EMB: variants seen among roughly 807,000 people sequenced by gnomAD.
The protein encoded by EMB is embigin homolog.
In EMB, 31 loss-of-function variants were observed where a neutral mutation model predicts 41.4. The ratio of observed to expected loss-of-function variants is 0.75; its 90% CI spans 0.56 to 1.01. The LOEUF is 1.01. Ranked by LOEUF, EMB falls within the 50% of genes least tolerant of loss-of-function variation. The probability of loss-of-function intolerance (pLI) is 0.00; values close to 1 mark genes in which losing one functional copy is unlikely to be tolerated. For missense variants in EMB, 379 were observed against 388.3 expected (o/e 0.98, Z 0.20); for synonymous variants, 137 against 140.4 (o/e 0.98, Z 0.17).
chr5:50,426,940 C>T (rs1745621709), intron 2 of EMB, among the ~76,000 whole-genome samples: 1 of 151,374 alleles, frequency 6.6e-6, no homozygotes, highest in African/African-American at 2.4e-5. Flanking sequence ...AGCACCTGCC[C>T]GGGGCTAATA....
intron 2 of EMB, among the ~76,000 whole-genome samples, chr5:50,415,090 T>C (rs1745407617): frequency 6.6e-6 from 1 of 152,172 alleles, no homozygotes; most frequent in Admixed American, 6.5e-5. Flanking sequence ...ATCCAAGAGA[T>C]CCATTAATAT....
upstream of EMB, chr5:50,441,390 T>G: frequency 6.1e-6 from 2 of 325,558 alleles, no homozygotes; most frequent in Non-Finnish European, 5.6e-6. Context: ...GCTGCTGGCG[T>G]TCCCGGATGT....
intron 1 of EMB, among the ~76,000 whole-genome samples, chr5:50,430,070 T>C (rs1281639632): frequency 6.6e-6 from 1 of 151,928 alleles, no homozygotes; most frequent in African/African-American, 2.4e-5. Flanking sequence ...CCCATAAATG[T>C]TATTTTCCTA....
rs70972912 is a variant in EMB at position 50,440,533 on chromosome 5, C to CAAA, written c.112+504_112+506dup. ...GGGCAACAAGAGTAAAACTCCGTCT[C>CAAA]AAAAAAAAAAAAAAAAAAAAAAAAA... is the stretch of plus-strand genomic sequence containing the variant. On this transcript the variant is annotated intron_variant, in intron 1 of 8. Coordinates refer to ENST00000303221, the MANE Select transcript of EMB (RefSeq NM_198449.3). 2.3e-4 allele frequency among the ~76,000 whole-genome samples: 14 copies of CAAA among 60,048 alleles called. 1 individual carries two copies. Among genetic ancestry groups the CAAA allele is most frequent in the East Asian group, 5.3e-4 (1 of 1,880 alleles). The allele number at this position is 60,048 out of a possible 152,430, so 39.4% of individuals were successfully genotyped here.
chr5:50,403,182 G>A lies in EMB; in HGVS notation c.873C>T (p.His291=), dbSNP rs1269793779. 6 of 1,588,792 alleles carry A rather than the reference G, an allele frequency of 3.8e-6. No individual in the cohort carries two copies. In the South Asian group the frequency reaches 7.0e-5, roughly 19 times the overall value. ...AACAAAAAAAAGAAATCCCACCTGA[G>A]TGCTTCTTTTTCTTTTGTGTGTACT... ...CEKYTQKKKK[H]SDEGKEFEQI... The change falls in exon 6 of 9, where the codon CAC becomes CAT. Residue 291 remains histidine (H), a synonymous_variant. Coordinates refer to ENST00000303221, the MANE Select transcript of EMB (RefSeq NM_198449.3).
At chr5:50,399,626 A>C (rs1190594655) in intron 8 of EMB, among the ~76,000 whole-genome samples, 1 of 152,162 alleles carries the variant, frequency 6.6e-6, no homozygotes, top group South Asian at 2.1e-4. Context: ...ATATGTAGCC[A>C]GTGCAAAAGA....
chr5:50,439,681 T>C (rs1561143162), intron 1 of EMB, among the ~76,000 whole-genome samples: 2 of 152,074 alleles, frequency 1.3e-5, no homozygotes, highest in African/African-American at 2.4e-5. Context: ...ACCCACGATG[T>C]TCTGTCCAAG....
At chr5:50,409,593 A>T (rs541756873) in intron 4 of EMB, among the ~76,000 whole-genome samples, 1 of 151,854 alleles carries the variant, frequency 6.6e-6, no homozygotes, top group Admixed American at 6.6e-5. Flanking sequence ...GGAAGGAAGG[A>T]GGCAGGAAGG....
At chr5:50,442,448 A>G (rs1291039267), upstream of EMB, among the ~76,000 whole-genome samples, 1 of 152,172 alleles carries the variant, frequency 6.6e-6, no homozygotes, top group Admixed American at 6.5e-5. Context: ...ACCAGGTGCC[A>G]ATCTACCATT....
intron 1 of EMB, 53 bp downstream of exon 1, chr5:50,440,987 C>T: frequency 8.1e-7 from 1 of 1,237,182 alleles, no homozygotes; most frequent in Non-Finnish European, 1.0e-6. Flanking sequence ...CGCGGGGACC[C>T]GAGCCTCGCG....
intron 2 of EMB, among the ~76,000 whole-genome samples, chr5:50,423,728 T>C (rs754920246): frequency 6.6e-6 from 1 of 152,188 alleles, no homozygotes. Flanking sequence ...CGGAGGCTCC[T>C]GTACAGTATA....
rs1745118139 is a variant in EMB at position 50,399,191 on chromosome 5, A to T, written c.*82T>A. The T allele has an allele frequency of 6.4e-7, 1 of 1,573,074 alleles. No individual in the cohort carries two copies. The highest frequency in any genetic ancestry group is 8.6e-7 in the Non-Finnish European group (1 of 1,161,176). ...CATCCTTTTAAAACTAAAAACTCAGAGGCTCTTAACAGGAAGGATAAACAA... is the reference window on the plus strand; with the variant it reads ...CATCCTTTTAAAACTAAAAACTCAGTGGCTCTTAACAGGAAGGATAAACAA... On this transcript the variant is annotated 3_prime_UTR_variant, in exon 9 of 9. Coordinates refer to ENST00000303221, the MANE Select transcript of EMB (RefSeq NM_198449.3).
chr5:50,424,117 C>T (rs1378797229), intron 2 of EMB, among the ~76,000 whole-genome samples: 3 of 152,060 alleles, frequency 2.0e-5, no homozygotes, highest in African/African-American at 7.2e-5. Context: ...ACACAGGAAA[C>T]CTAACACAAT....
upstream of EMB, among the ~76,000 whole-genome samples, chr5:50,441,926 C>T (rs575997528): frequency 6.6e-6 from 1 of 152,234 alleles, no homozygotes; most frequent in South Asian, 2.1e-4. Flanking sequence ...AAGACATTGA[C>T]CTTTGTTAAA....
At chr5:50,404,627 T>C (rs17192300) in intron 5 of EMB, among the ~76,000 whole-genome samples, 16,936 of 151,970 alleles carry the variant, frequency 0.11, 1,035 homozygotes, top group Middle Eastern at 0.16. Context: ...CATATTGTTG[T>C]ACCACATACA....
chr5:50,428,942 C>A (rs1213848147), intron 1 of EMB, among the ~76,000 whole-genome samples: 1 of 151,996 alleles, frequency 6.6e-6, no homozygotes, highest in African/African-American at 2.4e-5. Context: ...GTTGCCCAGG[C>A]TGGAGTGCAG....
chr5:50,406,651 G>A (rs1465943354), intron 4 of EMB, among the ~76,000 whole-genome samples: 2 of 151,748 alleles, frequency 1.3e-5, no homozygotes, highest in African/African-American at 4.8e-5. Context: ...ATTATAGAAG[G>A]TACACTTACA....
At chr5:50,433,395 A>C (rs1229847364) in intron 1 of EMB, among the ~76,000 whole-genome samples, 1 of 152,232 alleles carries the variant, frequency 6.6e-6, no homozygotes, top group African/African-American at 2.4e-5. Context: ...CAATGTAAAA[A>C]TTCTGTTTCA....
At chr5:50,427,117 T>G (rs993437982) in intron 2 of EMB, among the ~76,000 whole-genome samples, 19 of 152,154 alleles carry the variant, frequency 1.2e-4, no homozygotes, top group Admixed American at 3.9e-4. Flanking sequence ...TGAGTTTTCT[T>G]CCAAAACAAT....
Sources: gnomAD v4.1 joint callset for allele counts (sites outside exome capture counted in the v4.1 genomes callset) on GRCh38, gnomAD v4.1.1 for gene constraint, MANE v1.5 for transcripts, NCBI Gene and HGNC (gene_info 2026-07-23, HGNC 2026-07-21) for gene names.